The following CTNNA2 variants were observed in gnomAD, a reference collection of about 807,000 sequenced individuals.
The protein encoded by CTNNA2 is catenin alpha-2.
CTNNA2 carries 42 observed loss-of-function variants against 101.0 expected under a neutral mutation model. That is an observed-to-expected ratio of 0.42 (90% confidence interval 0.32 to 0.54). The LOEUF (loss-of-function observed/expected upper bound fraction) is 0.54. CTNNA2 is among the 20% of genes least tolerant of loss of function. CTNNA2 has a pLI of 0.14. For missense variants in CTNNA2, 871 were observed against 1,223.1 expected, an observed-to-expected ratio of 0.71 and a Z score of 4.29; for synonymous variants, 450 against 456.4, an observed-to-expected ratio of 0.99 and a Z score of 0.18.
chr2:80,389,496 T>C (rs916580551), intron 7 of CTNNA2, among the ~76,000 whole-genome samples: 7 of 152,136 alleles, frequency 4.6e-5, no homozygotes, highest in African/African-American at 1.7e-4. Flanking sequence ...TCTCTGTCTC[T>C]CTATCTCTCC....
chr2:79,443,156 A>G lies in CTNNA2; in HGVS notation c.-134-61898A>G, dbSNP rs567688191. On this transcript the variant is annotated intron_variant, in intron 4 of 21. Transcript: ENST00000466387. Reference sequence around the variant, plus strand: ...TATAAAGATAAAAACAAAGAGATATATCGTGAAGAATTCTGACAAAATTAT... The same window carrying G: ...TATAAAGATAAAAACAAAGAGATATGTCGTGAAGAATTCTGACAAAATTAT... Among the ~76,000 whole-genome samples the G allele has an allele frequency of 2.0e-4, 30 of 152,294 alleles. No individual in the cohort carries two copies. In the South Asian group the frequency reaches 5.6e-3, roughly 28 times the overall value.
At chr2:80,436,048 A>G (rs944105916) in intron 9 of CTNNA2, among the ~76,000 whole-genome samples, 4 of 152,196 alleles carry the variant, frequency 2.6e-5, no homozygotes, top group Admixed American at 2.6e-4. Context: ...AGTTACTGGA[A>G]ACCATGTGCT....
At chr2:79,523,183 A>G (rs1237827141) in intron 1 of CTNNA2, 10 of 394,722 alleles carry the variant, frequency 2.5e-5, no homozygotes, top group African/African-American at 4.2e-5. Flanking sequence ...GAATTTAAGT[A>G]TTCAATTTTT....
At chr2:79,593,816 G>A (rs574831986) in intron 1 of CTNNA2, among the ~76,000 whole-genome samples, 3 of 151,114 alleles carry the variant, frequency 2.0e-5, no homozygotes, top group East Asian at 1.9e-4. Context: ...AGTGATACAG[G>A]TTGGTATCAT....
chr2:79,296,245 T>G (rs1307019322), intron 2 of CTNNA2, among the ~76,000 whole-genome samples: 2 of 152,296 alleles, frequency 1.3e-5, no homozygotes, highest in East Asian at 3.9e-4. Flanking sequence ...TATATCCAGC[T>G]GTAGAATGGA....
intron 18 of CTNNA2, among the ~76,000 whole-genome samples, chr2:80,629,042 G>T (rs1398637416): frequency 6.6e-6 from 1 of 152,128 alleles, no homozygotes; most frequent in African/African-American, 2.4e-5. Context: ...GTTATTGTTA[G>T]GATTAATGGT....
rs1686703992 is a variant in CTNNA2 at position 79,922,149 on chromosome 2, T to C, written c.1056+12352T>C. Among the ~76,000 whole-genome samples the C allele has an allele frequency of 2.6e-5, 4 of 152,160 alleles. No homozygotes were observed. The South Asian group carries it at 8.3e-4, about 31-fold the overall frequency. On this transcript the variant is annotated intron_variant, in intron 7 of 18. Coordinates refer to ENST00000402739, the MANE Select transcript of CTNNA2 (RefSeq NM_001282597.3). Reference sequence around the variant, plus strand: ...TCTTAATCACATTTTCACAGTGTTATTTATTGTTATTTCTCTTCACTGTCT... The same window carrying C: ...TCTTAATCACATTTTCACAGTGTTACTTATTGTTATTTCTCTTCACTGTCT...
intron 2 of CTNNA2, among the ~76,000 whole-genome samples, chr2:79,679,881 G>A (rs1260694683): frequency 6.6e-6 from 1 of 152,054 alleles, no homozygotes; most frequent in Non-Finnish European, 1.5e-5. Context: ...CACAGAGACA[G>A]TCTCCATGGC....
At chr2:80,084,223 G>T (rs1051650546) in intron 7 of CTNNA2, among the ~76,000 whole-genome samples, 21 of 152,116 alleles carry the variant, frequency 1.4e-4, no homozygotes, top group African/African-American at 4.8e-4. Flanking sequence ...AAATAGAAAT[G>T]AAATCACAGA....
intron 7 of CTNNA2, among the ~76,000 whole-genome samples, chr2:79,993,189 T>C (rs1692301396): frequency 6.6e-6 from 1 of 152,194 alleles, no homozygotes; most frequent in African/African-American, 2.4e-5. Context: ...ATTTTATCTA[T>C]GAAATCTGCT....
At chr2:79,483,546 C>T (rs60619539) in intron 4 of CTNNA2, among the ~76,000 whole-genome samples, 11 of 151,692 alleles carry the variant, frequency 7.3e-5, no homozygotes, top group Middle Eastern at 3.2e-3. Context: ...GCTGGTGGAC[C>T]GAGGGCCTCA....
chr2:79,706,269 G>A (rs11682133), intron 2 of CTNNA2, among the ~76,000 whole-genome samples: 22,754 of 150,940 alleles, frequency 0.15, 2,134 homozygotes, highest in Admixed American at 0.24. Flanking sequence ...AGGCTGAGGC[G>A]GGACAATGGC....
chr2:79,543,469 A>G (rs1673543661), intron 1 of CTNNA2, among the ~76,000 whole-genome samples: 2 of 152,178 alleles, frequency 1.3e-5, no homozygotes, highest in Non-Finnish European at 2.9e-5. Flanking sequence ...AAAGATAGAC[A>G]GCTGTAGCTT....
intron 4 of CTNNA2, among the ~76,000 whole-genome samples, chr2:79,377,579 T>C (rs1677992419): frequency 1.3e-5 from 2 of 152,136 alleles, no homozygotes; most frequent in Non-Finnish European, 2.9e-5. Flanking sequence ...TGGGAGACAG[T>C]ATCTCTCTCC....
intron 1 of CTNNA2, among the ~76,000 whole-genome samples, chr2:79,561,342 G>A (rs1465476081): frequency 6.6e-6 from 1 of 151,804 alleles, no homozygotes; most frequent in African/African-American, 2.4e-5. Context: ...GGGCATTTGG[G>A]TGTTTCTACT....
Position 80,085,451 on chromosome 2 carries a change from C to T in CTNNA2, c.1056+175654C>T, listed in dbSNP as rs117146265. 8.2e-4 allele frequency among the ~76,000 whole-genome samples: 125 copies of T among 152,072 alleles called. No homozygotes were observed. In the East Asian group the frequency reaches 0.02, roughly 25 times the overall value. The stretch of plus-strand genomic sequence containing the variant: ...TGCAAAAAGAGAACACAAACATTTC[C>T]GAATAGTTCTAGTAACTTTCACTTC... On this transcript the variant is annotated intron_variant, in intron 7 of 18. Transcript: ENST00000402739.
chr2:80,170,229 CTCTG>C lies in CTNNA2; in HGVS notation c.1057-222980_1057-222977del, dbSNP rs748585132. On this transcript the variant is annotated intron_variant, in intron 7 of 18. Coordinates refer to ENST00000402739, the MANE Select transcript of CTNNA2 (RefSeq NM_001282597.3). ...TCTCTATCTCTCTCTCTCTCTCTCTCTCTGTGTGTGTGTGTGTGTTTGTGTGTGT... is the reference window on the plus strand; with the variant it reads ...TCTCTATCTCTCTCTCTCTCTCTCTCTGTGTGTGTGTGTGTTTGTGTGTGT... Among the ~76,000 whole-genome samples the C allele has an allele frequency of 6.5e-3, 972 of 149,438 alleles. 9 individuals carry two copies. The highest frequency in any genetic ancestry group is 0.018 in the African/African-American group (719 of 39,388).
chr2:79,245,222 G>A (rs748665965), intron 2 of CTNNA2, among the ~76,000 whole-genome samples: 1 of 152,152 alleles, frequency 6.6e-6, no homozygotes, highest in Non-Finnish European at 1.5e-5. Context: ...AGGCAGAGGC[G>A]GGCAGATCAC....
intron 7 of CTNNA2, among the ~76,000 whole-genome samples, chr2:80,360,904 G>T (rs934398435): frequency 1.1e-4 from 17 of 151,778 alleles, no homozygotes; most frequent in Non-Finnish European, 1.8e-4. Context: ...ACTTGCTATT[G>T]ATTATTATTA....
Sources: allele counts gnomAD v4.1 joint callset (sites outside exome capture counted in the v4.1 genomes callset), GRCh38; gene constraint gnomAD v4.1.1; transcripts MANE v1.5; gene names NCBI Gene and HGNC (gene_info 2026-07-23, HGNC 2026-07-21).